SCD5: variants seen among roughly 807,000 people sequenced by gnomAD.
SCD5 encodes stearoyl-CoA desaturase 5.
Under a neutral mutation model 30.4 loss-of-function variants are expected in SCD5, and 20 were observed. That is an observed-to-expected ratio of 0.66 (90% CI 0.46 to 0.96). SCD5 has a LOEUF of 0.96. SCD5 is among the 40% of genes least tolerant of loss of function. SCD5 has a pLI of 0.00. For synonymous variants in SCD5, 173 were observed against 176.4 expected (o/e 0.98, Z 0.16); for missense variants, 381 against 443.3 (o/e 0.86, Z 1.26).
At chr4:82,663,323 C>G (rs1728060268) in intron 3 of SCD5, among the ~76,000 whole-genome samples, 1 of 152,174 alleles carries the variant, frequency 6.6e-6, no homozygotes, top group Admixed American at 6.5e-5. Flanking sequence ...TATGGGATAG[C>G]CTCAAGCCTC....
At chr4:82,660,707 A>T in intron 3 of SCD5, 1 of 1,441,716 alleles carries the variant, frequency 6.9e-7, no homozygotes, top group Non-Finnish European at 9.1e-7. Context: ...ACCTCCCCGT[A>T]GCTGCCTCCT....
chr4:82,705,453 T>G, intron 1 of SCD5, 40 bp from the exon 2 acceptor site: 1 of 1,609,522 alleles, frequency 6.2e-7, no homozygotes, highest in Non-Finnish European at 8.5e-7. Flanking sequence ...CAATGGTCCC[T>G]GAGCTTTCAA....
intron 3 of SCD5, among the ~76,000 whole-genome samples, chr4:82,656,368 C>T (rs1385766699): frequency 6.6e-5 from 10 of 152,120 alleles, no homozygotes; most frequent in Non-Finnish European, 1.5e-4. Flanking sequence ...GTTTTCTGTT[C>T]CTGCGTTAGT....
At chr4:82,776,413 T>G (rs1438991212) in intron 1 of SCD5, among the ~76,000 whole-genome samples, 2 of 152,186 alleles carry the variant, frequency 1.3e-5, no homozygotes. Context: ...TAAGTTAGCA[T>G]CCTAAAAATA....
chr4:82,654,458 G>T (rs771264471), intron 3 of SCD5, among the ~76,000 whole-genome samples: 9 of 152,160 alleles, frequency 5.9e-5, no homozygotes, highest in Non-Finnish European at 1.0e-4. Context: ...ACTACCCTTT[G>T]CAGTTAGATA....
At chr4:82,677,372 T>G (rs575995084) in intron 3 of SCD5, among the ~76,000 whole-genome samples, 2 of 152,318 alleles carry the variant, frequency 1.3e-5, no homozygotes, top group South Asian at 4.1e-4. Context: ...CTGGGCACCT[T>G]CTTCTGTTAC....
At chr4:82,764,277 A>G (rs562177502) in intron 1 of SCD5, among the ~76,000 whole-genome samples, 6 of 152,368 alleles carry the variant, frequency 3.9e-5, no homozygotes, top group African/African-American at 1.2e-4. Flanking sequence ...GAACAGTTGC[A>G]TCATCACAGG....
chr4:82,678,895 A>T (rs1728491471), intron 3 of SCD5, among the ~76,000 whole-genome samples: 2 of 152,160 alleles, frequency 1.3e-5, no homozygotes, highest in Admixed American at 1.3e-4. Flanking sequence ...TAAATCATTG[A>T]ATTATTAATT....
intron 1 of SCD5, among the ~76,000 whole-genome samples, chr4:82,735,818 A>G (rs1417420306): frequency 2.0e-5 from 3 of 152,210 alleles, no homozygotes; most frequent in Admixed American, 2.0e-4. Flanking sequence ...CCTTGACTAG[A>G]AATATGTCGT....
intron 2 of SCD5, among the ~76,000 whole-genome samples, chr4:82,700,787 TAAAAAAAAAAAAAAAAAAAAA>T (rs70938305): frequency 4.7e-5 from 3 of 63,772 alleles, no homozygotes; most frequent in African/African-American, 9.8e-5. Context: ...ACCCTGTCTC[TAAAAAAAAAAAAAAAAAAAAA>T]AAAAAAAAAA....
intron 2 of SCD5, chr4:82,698,178 G>A: frequency 2.2e-6 from 1 of 455,504 alleles, no homozygotes; most frequent in Non-Finnish European, 4.4e-6. Flanking sequence ...TTGTGCATCT[G>A]AAGCTTAGGC....
At chr4:82,668,439 T>C (rs140940220) in intron 3 of SCD5, among the ~76,000 whole-genome samples, 134 of 152,326 alleles carry the variant, frequency 8.8e-4, no homozygotes, top group African/African-American at 3.1e-3. Flanking sequence ...TCTAGAAAGA[T>C]AGGGCAAGTA....
At chr4:82,710,721 A>G (rs1410367306) in intron 1 of SCD5, among the ~76,000 whole-genome samples, 1 of 148,218 alleles carries the variant, frequency 6.7e-6, no homozygotes, top group African/African-American at 2.5e-5. Flanking sequence ...GCTCTGGCCA[A>G]TTAGTGACTG....
intron 1 of SCD5, among the ~76,000 whole-genome samples, chr4:82,742,091 A>AG (rs1191737725): frequency 6.6e-6 from 1 of 152,032 alleles, no homozygotes; most frequent in Non-Finnish European, 1.5e-5. Context: ...AAAAAAAAAA[A>AG]AAAGAAAGAT....
At position 82,798,397 on chromosome 4, in the gene SCD5, C is replaced by T. The variant is rs1722276416; in HGVS notation, c.141G>A (p.Trp47Ter). The part of the protein sequence containing the change: ...GARGQRQNIV[W>*]RNVVLMSLLH... ...GCAAGCTCATCAGGACGACATTCCT[C>T]CAGACGATGTTCTGCCGCTGCCCGC... is the stretch of plus-strand genomic sequence containing the variant. The change falls in exon 1 of 5, where the codon TGG becomes TGA. Residue 47 changes from tryptophan (W) to a stop codon, truncating the protein, a stop_gained. Coordinates refer to ENST00000319540, the MANE Select transcript of SCD5 (RefSeq NM_001037582.3). LOFTEE classifies it high-confidence loss of function. 1 of 1,613,484 alleles carries T rather than the reference C, an allele frequency of 6.2e-7. No homozygotes were observed. The highest frequency in any genetic ancestry group is 8.5e-7 in the Non-Finnish European group (1 of 1,179,684).
chr4:82,685,952 C>T (rs1026710921), intron 2 of SCD5, among the ~76,000 whole-genome samples: 2 of 151,944 alleles, frequency 1.3e-5, no homozygotes, highest in Non-Finnish European at 2.9e-5. Context: ...GCTCAGTAGC[C>T]ACACGTAGCT....
intron 1 of SCD5, among the ~76,000 whole-genome samples, chr4:82,736,835 T>TA (rs1248172966): frequency 6.6e-6 from 1 of 151,816 alleles, no homozygotes; most frequent in Non-Finnish European, 1.5e-5. Context: ...GCTAATTTTT[T>TA]AAAAAAATTT....
intron 1 of SCD5, among the ~76,000 whole-genome samples, chr4:82,795,058 A>G (rs1722181694): frequency 6.6e-6 from 1 of 152,174 alleles, no homozygotes; most frequent in African/African-American, 2.4e-5. Flanking sequence ...ATAAAAAGGG[A>G]AAACAACATG....
intron 1 of SCD5, among the ~76,000 whole-genome samples, chr4:82,758,575 A>G (rs917952804): frequency 6.6e-6 from 1 of 152,188 alleles, no homozygotes; most frequent in Non-Finnish European, 1.5e-5. Flanking sequence ...AGACTTAAAC[A>G]TATGAATTTG....
Sources: gnomAD v4.1 joint callset for allele counts (sites outside exome capture counted in the v4.1 genomes callset) on GRCh38, gnomAD v4.1.1 for gene constraint, MANE v1.5 for transcripts, NCBI Gene and HGNC (gene_info 2026-07-23, HGNC 2026-07-21) for gene names.